ANO3: variants seen among roughly 807,000 people sequenced by gnomAD.
ANO3 encodes the protein anoctamin-3.
ANO3 carries 99 observed loss-of-function variants against 144.8 expected under a neutral mutation model. The observed-to-expected ratio is 0.68, with a 90% CI of 0.58 to 0.81. ANO3 has a LOEUF of 0.81. ANO3 is among the 30% of genes least tolerant of loss of function. The pLI, the probability that ANO3 is intolerant of heterozygous loss-of-function variation, is 0.00. For missense variants in ANO3, 905 were observed against 1,202.2 expected, an observed-to-expected ratio of 0.75 and a Z score of 3.66; for synonymous variants, 414 against 392.6, an observed-to-expected ratio of 1.05 and a Z score of -0.64.
intron 1 of ANO3, among the ~76,000 whole-genome samples, chr11:26,435,322 C>A (rs1289048941): frequency 6.6e-6 from 1 of 152,166 alleles, no homozygotes; most frequent in African/African-American, 2.4e-5. Flanking sequence ...TTGTAGGTGA[C>A]CTGCCCTTTC....
Position 26,366,651 on chromosome 11 carries a change from C to G in ANO3, c.46+34330C>G, listed in dbSNP as rs546734349. On this transcript the variant is annotated intron_variant, in intron 1 of 26. Transcript: ENST00000256737. ...GTCTCCAGCACCTGTTGTTTCCTGA[C>G]TTTTTAATGATTGCCATTCTAACTG... is the stretch of plus-strand genomic sequence containing the variant. Among the ~76,000 whole-genome samples, 217 of 152,144 alleles carry G rather than the reference C, an allele frequency of 1.4e-3. 1 individual carries two copies. The highest frequency in any genetic ancestry group is 2.9e-3 in the Non-Finnish European group (195 of 68,016).
chr11:26,387,174 A>G (rs1237654759), intron 1 of ANO3, among the ~76,000 whole-genome samples: 1 of 139,702 alleles, frequency 7.2e-6, no homozygotes, highest in Non-Finnish European at 1.5e-5. Context: ...GGGTTTCACC[A>G]TGTTGGCCAG....
intron 17 of ANO3, among the ~76,000 whole-genome samples, chr11:26,608,036 AT>A (rs1036230728): frequency 2.9e-4 from 44 of 152,028 alleles, no homozygotes; most frequent in African/African-American, 1.1e-3. Flanking sequence ...GGTTTTCAGC[AT>A]TTTTTCGTTG....
Position 26,598,416 on chromosome 11 carries a change from C to T in ANO3, c.1499C>T (p.Thr500Ile). 8 of 1,593,120 alleles carry T rather than the reference C, an allele frequency of 5.0e-6. No homozygotes were observed. Among genetic ancestry groups the T allele is most frequent in the Non-Finnish European group, 6.8e-6 (8 of 1,170,844 alleles). The change falls in exon 15 of 27, where the codon ACT becomes ATT. Residue 500 changes from threonine to isoleucine, a missense_variant. Transcript: ENST00000256737. ...AGGAGAAGGAGTATACTGACCTATA[C>T]TTGGGACCTTATCGAATGGGAAGAA... ...WKRRRSILTY[T>I]WDLIEWEEEE... is the part of the protein sequence containing the mutation.
At position 26,377,083 on chromosome 11, in the gene ANO3, TG is replaced by T. The variant is rs531794890; in HGVS notation, c.46+44763del. Among the ~76,000 whole-genome samples, 4 of 152,306 alleles carry T rather than the reference TG, an allele frequency of 2.6e-5. No homozygotes were observed. In the South Asian group the frequency reaches 8.3e-4, roughly 32 times the overall value. ...ATTTATAGTAGCCATTGGTTGGTAC[TG>T]TCCCTGTGCACTTGAAAGAAAACAA... On this transcript the variant is annotated intron_variant, in intron 1 of 26. Transcript: ENST00000256737.
At chr11:26,607,486 G>A (rs897263973) in intron 17 of ANO3, among the ~76,000 whole-genome samples, 3 of 152,076 alleles carry the variant, frequency 2.0e-5, no homozygotes, top group Non-Finnish European at 4.4e-5. Context: ...TTTACACAGT[G>A]CCTGTTTCTC....
At chr11:26,283,326 ATATATATATATATATAT>A (rs1853724538) in intron 1 of ANO3, among the ~76,000 whole-genome samples, 1 of 19,348 alleles carries the variant, frequency 5.2e-5, no homozygotes, top group African/African-American at 3.3e-4. Context: ...AAATAAATAT[ATATATATATATATATAT>A]ATATATATAT....
chr11:26,559,983 T>C (rs1850222471), intron 14 of ANO3: 1 of 431,350 alleles, frequency 2.3e-6, no homozygotes, highest in Non-Finnish European at 4.1e-6. Flanking sequence ...CATCCTCTAA[T>C]CTCTAAAACC....
At chr11:26,261,495 T>C (rs1052779913) in intron 1 of ANO3, among the ~76,000 whole-genome samples, 2 of 152,206 alleles carry the variant, frequency 1.3e-5, no homozygotes, top group Non-Finnish European at 2.9e-5. Flanking sequence ...ATTTTACCTT[T>C]CCTTGTTCTT....
intron 1 of ANO3, among the ~76,000 whole-genome samples, chr11:26,288,240 G>T (rs1853853559): frequency 6.6e-6 from 1 of 152,258 alleles, no homozygotes; most frequent in African/African-American, 2.4e-5. Flanking sequence ...TTTAGAGGTG[G>T]AATCATCAGC....
intron 18 of ANO3, among the ~76,000 whole-genome samples, chr11:26,627,708 T>C (rs536932358): frequency 6.6e-6 from 1 of 152,284 alleles, no homozygotes; most frequent in South Asian, 2.1e-4. Context: ...TTTTCCTCTA[T>C]AATCCAGTGA....
At chr11:26,406,676 AGT>A (rs72102663) in intron 1 of ANO3, among the ~76,000 whole-genome samples, 16,694 of 118,952 alleles carry the variant, frequency 0.14, 1,101 homozygotes, top group East Asian at 0.17. Context: ...AATCTATGGC[AGT>A]GTGTGTGTGT....
In ANO3 at chr11:26,525,624, TATTTTTTCAGGA is replaced by T. The variant is rs1326524102; in HGVS notation, c.693-9_695del. On this transcript the variant is annotated splice_acceptor_variant and splice_polypyrimidine_tract_variant and coding_sequence_variant and intron_variant, in exon 7 of 27. Transcript: ENST00000256737. LOFTEE classifies it high-confidence loss of function. ...GTGGCTTTCCTTAGCTGTTTTCTAT[TATTTTTTCAGGA>T]AAAAATGCTATTACACTGACGGGAG... 1.9e-6 allele frequency: 3 copies of T among 1,609,032 alleles called. No homozygotes were observed. Among genetic ancestry groups the T allele is most frequent in the Non-Finnish European group, 2.5e-6 (3 of 1,177,100 alleles).
chr11:26,660,235 C>T (rs765560003), intron 26 of ANO3, 27 bp from the exon 27 acceptor site: 3 of 1,600,294 alleles, frequency 1.9e-6, no homozygotes, highest in Non-Finnish European at 2.6e-6. Context: ...TCTTTGAAAA[C>T]TGTCCTTTTC....
intron 17 of ANO3, among the ~76,000 whole-genome samples, chr11:26,605,308 A>G (rs1474356019): frequency 1.3e-5 from 2 of 152,152 alleles, no homozygotes; most frequent in Non-Finnish European, 2.9e-5. Flanking sequence ...GTGCTGCTGG[A>G]TTCGGTTTGC....
chr11:26,236,271 G>A (rs1313646006), intron 1 of ANO3, among the ~76,000 whole-genome samples: 1 of 152,132 alleles, frequency 6.6e-6, no homozygotes, highest in East Asian at 1.9e-4. Flanking sequence ...AACTGAAGTT[G>A]TTGGATCAAA....
intron 4 of ANO3, among the ~76,000 whole-genome samples, chr11:26,465,513 T>C (rs973261779): frequency 1.2e-4 from 18 of 151,670 alleles, no homozygotes; most frequent in African/African-American, 4.4e-4. Context: ...GGGCACAGAC[T>C]TGAAGGGGGG....
chr11:26,338,400 G>A (rs1302755568), intron 1 of ANO3, among the ~76,000 whole-genome samples: 1 of 152,174 alleles, frequency 6.6e-6, no homozygotes, highest in Non-Finnish European at 1.5e-5. Context: ...GCAGCAATCA[G>A]CACTCTGTAA....
chr11:26,334,536 G>A (rs1381186), intron 1 of ANO3, among the ~76,000 whole-genome samples: 41,661 of 152,100 alleles, frequency 0.27, 6,510 homozygotes, highest in East Asian at 0.42. Context: ...CTAAGCTTGC[G>A]TTTGTTACTA....
Sources: gnomAD v4.1 joint callset for allele counts (sites outside exome capture counted in the v4.1 genomes callset) on GRCh38, gnomAD v4.1.1 for gene constraint, MANE v1.5 for transcripts, NCBI Gene and HGNC (gene_info 2026-07-23, HGNC 2026-07-21) for gene names.